The following TFAP2B variants were observed in gnomAD, a reference collection of about 807,000 sequenced individuals.
TFAP2B encodes the protein transcription factor AP-2-beta.
Under a neutral mutation model 44.3 loss-of-function variants are expected in TFAP2B, and 9 were observed. The ratio of observed to expected loss-of-function variants is 0.20; its 90% CI spans 0.12 to 0.35. The LOEUF is 0.35. TFAP2B is among the 10% of genes least tolerant of loss of function. The pLI is 1.00. For missense variants in TFAP2B, 509 were observed against 600.0 expected (o/e 0.85, Z 1.59); for synonymous variants, 270 against 263.8 (o/e 1.02, Z -0.23).
rs1762769941 is a variant in TFAP2B, at chr6:50,843,263, G to T, written c.1254G>T (p.Gln418His). The T allele has an allele frequency of 6.2e-7, 1 of 1,614,040 alleles. No homozygotes were observed. Among genetic ancestry groups the T allele is most frequent in the South Asian group, 1.1e-5 (1 of 91,088 alleles). The change falls in exon 7 of 7, where the codon CAG becomes CAT. Residue 418 changes from glutamine to histidine, a missense_variant. Around this residue, in one of 3 missense-constraint regions of TFAP2B, gnomAD observed 168 missense variants for 183.2 expected, o/e 0.92. Transcript: ENST00000393655. ...PAICAALTAL[Q>H]NYLTEALKGM... The stretch of plus-strand genomic sequence containing the variant: ...TTTGCGCCGCGCTCACGGCCCTGCA[G>T]AACTATCTCACCGAGGCGCTCAAAG...
chr6:50,840,306 A>C lies in TFAP2B; in HGVS notation c.1082+9A>C, dbSNP rs1440685405. 2 of 1,613,216 alleles carry C rather than the reference A, an allele frequency of 1.2e-6. No homozygotes were observed. Among genetic ancestry groups the C allele is most frequent in the African/African-American group, 2.7e-5 (2 of 74,888 alleles). On this transcript the variant is annotated intron_variant, in intron 6 of 6. Coordinates refer to ENST00000393655, the MANE Select transcript of TFAP2B (RefSeq NM_003221.4). Reference sequence around the variant, plus strand: ...ATGCTGTTGGCCACCAAGTGAGTTTATTAGACTCTGGGCCCTCATCTCACT... The same window carrying C: ...ATGCTGTTGGCCACCAAGTGAGTTTCTTAGACTCTGGGCCCTCATCTCACT...
In TFAP2B at chr6:50,844,317, A is replaced by G. The variant is rs1407036092; in HGVS notation, c.*925A>G. ...AAAAAAAAAAAACACACACACACAC[A>G]ATATGAATACGTTGATTAGTATGTA... On this transcript the variant is annotated 3_prime_UTR_variant, in exon 7 of 7. Transcript: ENST00000393655. 2.0e-5 allele frequency: 3 copies of G among 148,520 alleles called. No individual in the cohort carries two copies. The highest frequency in any genetic ancestry group is 4.5e-5 in the Non-Finnish European group (3 of 66,714). 9.2% of individuals were successfully genotyped at this position (148,520 alleles called of 1,614,324 possible). A position where few individuals can be genotyped will look rare whatever the true frequency, so the allele number is the denominator to read the frequency against.
chr6:50,837,049 C>T (rs920944953), intron 4 of TFAP2B, among the ~76,000 whole-genome samples: 1 of 152,194 alleles, frequency 6.6e-6, no homozygotes, highest in African/African-American at 2.4e-5. Flanking sequence ...GGCAGTGTCC[C>T]TGATATGAAA....
intron 5 of TFAP2B, 116 bp from the exon 6 acceptor site, chr6:50,840,040 G>A (rs1762695368): frequency 7.3e-7 from 1 of 1,378,518 alleles, no homozygotes; most frequent in Non-Finnish European, 1.0e-6. Context: ...CTTTGCTTTT[G>A]GCTCCAACAG....
chr6:50,836,423 A>C, intron 4 of TFAP2B, 143 bp downstream of exon 4: 1 of 793,156 alleles, frequency 1.3e-6, no homozygotes, highest in Non-Finnish European at 2.1e-6. Context: ...GGGTGGCCGG[A>C]GCATTGCTTT....
intron 6 of TFAP2B, among the ~76,000 whole-genome samples, chr6:50,842,651 C>T (rs1762755024): frequency 1.3e-5 from 2 of 152,182 alleles, no homozygotes; most frequent in South Asian, 4.1e-4. Context: ...GGCTTGTGGC[C>T]GAGGGGCCTA....
intron 2 of TFAP2B, among the ~76,000 whole-genome samples, chr6:50,825,775 C>T (rs1342068795): frequency 1.3e-5 from 2 of 152,146 alleles, no homozygotes; most frequent in East Asian, 3.9e-4. Flanking sequence ...TGCAGGCTCT[C>T]CACTCACCCA....
At chr6:50,824,810 G>T (rs1054624812) in intron 2 of TFAP2B, among the ~76,000 whole-genome samples, 8 of 152,194 alleles carry the variant, frequency 5.3e-5, no homozygotes, top group African/African-American at 1.9e-4. Context: ...AAACATCAAA[G>T]AAATGATTCC....
intron 1 of TFAP2B, 107 bp from the exon 2 acceptor site, chr6:50,823,300 C>G: frequency 2.0e-6 from 2 of 1,001,596 alleles, no homozygotes; most frequent in Non-Finnish European, 3.1e-6. Context: ...CCATTTGTCA[C>G]TTGTATTTTT....
chr6:50,838,082 C>T lies in TFAP2B; in HGVS notation c.929C>T (p.Ser310Phe). Reference protein sequence around the residue: ...RKAANVTLLTSLVEGEAVHLA... With the variant: ...RKAANVTLLTFLVEGEAVHLA... ...GCAGCAAATGTCACGTTACTCACCT[C>T]CCTGGTGGAAGGTAAGCAAGACGTG... The change falls in exon 5 of 7, where the codon TCC becomes TTC. Residue 310 changes from serine to phenylalanine, a missense_variant. This residue lies in a region of TFAP2B where 45 missense variants were observed against 108.6 expected (regional missense o/e 0.41). Coordinates refer to ENST00000393655, the MANE Select transcript of TFAP2B (RefSeq NM_003221.4). 1 of 1,613,574 alleles carries T rather than the reference C, an allele frequency of 6.2e-7. No individual in the cohort carries two copies. The highest frequency in any genetic ancestry group is 8.5e-7 in the Non-Finnish European group (1 of 1,179,466).
intron 1 of TFAP2B, among the ~76,000 whole-genome samples, chr6:50,820,016 TGAGACGTC>T (rs1487849244): frequency 6.6e-6 from 1 of 151,766 alleles, no homozygotes; most frequent in Non-Finnish European, 1.5e-5. Context: ...AAGGTTCTGC[TGAGACGTC>T]GAGGTTGGAA....
At chr6:50,839,551 C>T (rs1762684159) in intron 5 of TFAP2B, among the ~76,000 whole-genome samples, 1 of 152,078 alleles carries the variant, frequency 6.6e-6, no homozygotes, top group Admixed American at 6.6e-5. Context: ...GTGAAAAGTC[C>T]TGAAGTAGGA....
At chr6:50,825,576 C>T (rs1232790326) in intron 2 of TFAP2B, among the ~76,000 whole-genome samples, 1 of 152,124 alleles carries the variant, frequency 6.6e-6, no homozygotes, top group Non-Finnish European at 1.5e-5. Flanking sequence ...TGGTGAAATT[C>T]AAAGTCTGAG....
rs1451223701 is a variant in TFAP2B at position 50,844,406 on chromosome 6, T to C, written c.*1014T>C. 6.6e-6 allele frequency: 1 copy of C among 152,638 alleles called. No individual in the cohort carries two copies. The highest frequency in any genetic ancestry group is 1.9e-4 in the East Asian group (1 of 5,198). 9.5% of individuals were successfully genotyped at this position (152,638 alleles called of 1,614,324 possible). ...GTTTTCCAAAGCTTTGCCCGCATGG[T>C]TTATGAGCTTCTTCAAAGAGGACTT... On this transcript the variant is annotated 3_prime_UTR_variant, in exon 7 of 7. Coordinates refer to ENST00000393655, the MANE Select transcript of TFAP2B (RefSeq NM_003221.4).
intron 1 of TFAP2B, among the ~76,000 whole-genome samples, chr6:50,823,041 T>C (rs993091182): frequency 5.3e-5 from 8 of 152,200 alleles, no homozygotes; most frequent in Admixed American, 1.3e-4. Flanking sequence ...ACTCCTACAA[T>C]TTTAATTAAG....
In TFAP2B at chr6:50,840,227, G is replaced by A; in HGVS notation, c.1012G>A (p.Glu338Lys). The A allele has an allele frequency of 1.2e-6, 2 of 1,614,144 alleles. No individual in the cohort carries two copies. Among genetic ancestry groups the A allele is most frequent in the Non-Finnish European group, 8.5e-7 (1 of 1,180,036 alleles). Residue 338 changes from glutamate to lysine, a missense_variant, in exon 6 of 7, where the codon GAG becomes AAG. This residue lies in a region of TFAP2B where 168 missense variants were observed against 183.2 expected (regional missense o/e 0.92). Coordinates refer to ENST00000393655, the MANE Select transcript of TFAP2B (RefSeq NM_003221.4). ...GGAGTTTCCCGCCAAAGCCGTCTCT[G>A]AGTATTTGAACCGGCAGCACACAGA... ...ETEFPAKAVS[E>K]YLNRQHTDPS...
chr6:50,845,429 A>C lies in TFAP2B; in HGVS notation c.*2037A>C, dbSNP rs1762826364. 1 of 152,380 alleles carries C rather than the reference A, an allele frequency of 6.6e-6. No individual in the cohort carries two copies. The highest frequency in any genetic ancestry group is 2.1e-4 in the South Asian group (1 of 4,818). The allele number at this position is 152,380 out of a possible 1,614,324, so 9.4% of individuals were successfully genotyped here. ...TTAGGAAGCTCGTCTCAGGTCACCA[A>C]AAGGGCCCAAGCAACTGTTAGGGCC... On this transcript the variant is annotated 3_prime_UTR_variant, in exon 7 of 7. Coordinates refer to ENST00000393655, the MANE Select transcript of TFAP2B (RefSeq NM_003221.4).
chr6:50,835,780 A>G (rs1445073894), intron 3 of TFAP2B, among the ~76,000 whole-genome samples: 1 of 152,104 alleles, frequency 6.6e-6, no homozygotes, highest in Non-Finnish European at 1.5e-5. Flanking sequence ...CACAGTCCAA[A>G]CTCTGGGTTG....
rs776821169 is a variant in TFAP2B, at chr6:50,836,100, A to G, written c.641A>G (p.Asn214Ser). ...AAATCGGTGACTTCTCTAATGATGA[A>G]TAAAGACGGCTTCCTGGGAGGCATG... ...PPKSVTSLMMNKDGFLGGMSV... is the reference protein window; with the variant it reads ...PPKSVTSLMMSKDGFLGGMSV... Residue 214 changes from asparagine to serine, a missense_variant, in exon 4 of 7, where the codon AAT becomes AGT. Asn to Ser is a conservative substitution (Grantham distance 46, BLOSUM62 1). This residue lies in a region of TFAP2B where 296 missense variants were observed against 308.2 expected (regional missense o/e 0.96). Transcript: ENST00000393655. 3.7e-6 allele frequency: 6 copies of G among 1,614,128 alleles called. No individual in the cohort carries two copies. In the South Asian group the frequency reaches 4.4e-5, roughly 12 times the overall value.
Sources: allele counts gnomAD v4.1 joint callset (sites outside exome capture counted in the v4.1 genomes callset), GRCh38; gene constraint gnomAD v4.1.1; regional missense constraint gnomAD v4.1.1; transcripts MANE v1.5; gene names NCBI Gene and HGNC (gene_info 2026-07-23, HGNC 2026-07-21).